The following RHBDF1 variants were observed in gnomAD, a reference collection of about 807,000 sequenced individuals.
RHBDF1 encodes inactive rhomboid protein 1.
Under a neutral mutation model 98.6 loss-of-function variants are expected in RHBDF1, and 80 were observed. That is an observed-to-expected ratio of 0.81 (90% CI 0.68 to 0.98). The LOEUF (loss-of-function observed/expected upper bound fraction) is 0.98, where lower values mean the gene tolerates loss of function less well. Ranked by LOEUF, RHBDF1 falls within the 50% of genes least tolerant of loss-of-function variation. The pLI is 0.00. For missense variants in RHBDF1, 1,116 were observed against 1,198.3 expected, an observed-to-expected ratio of 0.93 and a Z score of 1.01; for synonymous variants, 512 against 486.8, an observed-to-expected ratio of 1.05 and a Z score of -0.68.
intron 1 of RHBDF1, among the ~76,000 whole-genome samples, chr16:70,531 G>C (rs1897943739): frequency 6.6e-6 from 1 of 152,238 alleles, no homozygotes; most frequent in Non-Finnish European, 1.5e-5. Context: ...AACCAAGTCA[G>C]AGCAGAAATG....
rs1466621104 is a variant in RHBDF1 at position 58,985 on chromosome 16, A to G, written c.2137T>C (p.Tyr713His). The change falls in exon 17 of 18, where the codon TAC (tyrosine) becomes CAC (histidine). Residue 713 changes from tyrosine (Y) to histidine (H), a missense_variant. Tyr to His is a moderately conservative substitution (Grantham distance 83, BLOSUM62 2). Coordinates refer to ENST00000262316, the MANE Select transcript of RHBDF1 (RefSeq NM_022450.5). ...GNLASAIFLP[Y>H]RAEVGPAGSQ... ...AGGGCCAGCCTTACCTCTGCTCGGT[A>G]TGGCAGGAAGATGGCACTGGCCAGG... 1 of 1,613,086 alleles carries G rather than the reference A, an allele frequency of 6.2e-7. No homozygotes were observed. Among genetic ancestry groups the G allele is most frequent in the Non-Finnish European group, 8.5e-7 (1 of 1,180,000 alleles).
chr16:69,173 C>T (rs766386565), intron 1 of RHBDF1, among the ~76,000 whole-genome samples: 1 of 152,116 alleles, frequency 6.6e-6, no homozygotes, highest in African/African-American at 2.4e-5. Context: ...CCAAAGGTGT[C>T]GAGTTTGGGA....
Position 63,651 on chromosome 16 carries a change from G to C in RHBDF1, c.398C>G (p.Ser133Trp). The C allele has an allele frequency of 6.2e-7, 1 of 1,608,544 alleles. No homozygotes were observed. The highest frequency in any genetic ancestry group is 8.5e-7 in the Non-Finnish European group (1 of 1,177,938). Residue 133 changes from serine to tryptophan, a missense_variant, in exon 4 of 18, where the codon TCG becomes TGG. By Grantham distance (177) the Ser-to-Trp change is radical. Transcript: ENST00000262316. ...ELDLPSQDNVSLTSTETPPPL... is the reference protein window; with the variant it reads ...ELDLPSQDNVWLTSTETPPPL... ...GGGTGGCGTCTCGGTGCTGGTCAGC[G>C]ACACGTTGTCCTGGCTGGGCAGGTC...
intron 3 of RHBDF1, 183 bp downstream of exon 3, chr16:64,516 G>T: frequency 1.9e-6 from 3 of 1,543,176 alleles, no homozygotes; most frequent in East Asian, 2.4e-5. Flanking sequence ...AGTGGAGCAG[G>T]GTAGTGGGGT....
At position 65,724 on chromosome 16, in the gene RHBDF1, G is replaced by A. The variant is rs574859339; in HGVS notation, c.-24-685C>T. Reference sequence around the variant, plus strand: ...GACAGCCTGCAAGAGGTGTGTGATCGGTCCAGTGCATAGAGTCACCACATT... The same window carrying A: ...GACAGCCTGCAAGAGGTGTGTGATCAGTCCAGTGCATAGAGTCACCACATT... On this transcript the variant is annotated intron_variant, in intron 1 of 17. Coordinates refer to ENST00000262316, the MANE Select transcript of RHBDF1 (RefSeq NM_022450.5). Among the ~76,000 whole-genome samples, 11 of 152,298 alleles carry A rather than the reference G, an allele frequency of 7.2e-5. No individual in the cohort carries two copies. In the South Asian group the frequency reaches 8.3e-4, roughly 11 times the overall value.
chr16:64,385 C>A, intron 3 of RHBDF1: 1 of 1,386,712 alleles, frequency 7.2e-7, no homozygotes, highest in Non-Finnish European at 9.6e-7. Flanking sequence ...CTGCGGGCAG[C>A]CCGGGGACCC....
chr16:58,827 C>T (rs931023158), intron 17 of RHBDF1, 68 bp from the exon 18 acceptor site: 4 of 1,566,588 alleles, frequency 2.6e-6, no homozygotes, highest in African/African-American at 2.7e-5. Context: ...AAGGCCTCAT[C>T]TTTCTGCCCC....
Position 62,993 on chromosome 16 carries a change from C to A in RHBDF1, c.652G>T (p.Ala218Ser). Reference protein sequence around the residue: ...RESVAKMSFRAAAALMKGRSV... With the variant: ...RESVAKMSFRSAAALMKGRSV... Reference sequence around the variant, plus strand: ...CCCACTTTCATCAGCGCTGCGGCCGCCCGGAAGCTCATCTTGGCCACCGAC... The same window carrying A: ...CCCACTTTCATCAGCGCTGCGGCCGACCGGAAGCTCATCTTGGCCACCGAC... Residue 218 changes from alanine (A) to serine (S), a missense_variant, in exon 5 of 18, where the codon GCG becomes TCG. Coordinates refer to ENST00000262316, the MANE Select transcript of RHBDF1 (RefSeq NM_022450.5). 6.2e-7 allele frequency: 1 copy of A among 1,612,178 alleles called. No homozygotes were observed. Among genetic ancestry groups the A allele is most frequent in the South Asian group, 1.1e-5 (1 of 91,012 alleles).
chr16:62,038 C>T lies in RHBDF1; in HGVS notation c.968G>A (p.Gly323Asp), dbSNP rs775854063. The change falls in exon 8 of 18, where the codon GGC becomes GAC. Residue 323 changes from glycine to aspartate, a missense_variant. Gly to Asp is a moderately conservative substitution (Grantham distance 94). Coordinates refer to ENST00000262316, the MANE Select transcript of RHBDF1 (RefSeq NM_022450.5). ...RSHLMLPLER[G>D]WRKQKEGAAA... ...GGCGCCCTCCTTCTGCTTCCGCCAG[C>T]CTCGCTCCAAGGGCCTGGAGGGAGC... 2 of 1,499,550 alleles carry T rather than the reference C, an allele frequency of 1.3e-6. No homozygotes were observed. The highest frequency in any genetic ancestry group is 8.9e-7 in the Non-Finnish European group (1 of 1,128,318). The allele number at this position is 1,499,550 out of a possible 1,614,324, so 92.9% of individuals were successfully genotyped here. A position where few individuals can be genotyped will look rare whatever the true frequency, so the allele number is the denominator to read the frequency against.
chr16:58,153 T>C lies in RHBDF1; in HGVS notation c.*187A>G. On this transcript the variant is annotated 3_prime_UTR_variant, in exon 18 of 18. Coordinates refer to ENST00000262316, the MANE Select transcript of RHBDF1 (RefSeq NM_022450.5). ...GTTAGAAGGTTATGACAGGAAGTAG[T>C]ATAATAAATGCCCGGCAGTACGAGG... The C allele has an allele frequency of 1.7e-6, 1 of 587,488 alleles. No individual in the cohort carries two copies. The highest frequency in any genetic ancestry group is 3.0e-6 in the Non-Finnish European group (1 of 336,088). 36.4% of individuals were successfully genotyped at this position (587,488 alleles called of 1,614,324 possible).
upstream of RHBDF1, among the ~76,000 whole-genome samples, chr16:75,999 C>T (rs75629408): frequency 2.4e-4 from 36 of 152,310 alleles, no homozygotes; most frequent in East Asian, 2.3e-3. Context: ...TTTATAAAGG[C>T]TCCAGCGACT....
Position 61,585 on chromosome 16 carries a change from C to T in RHBDF1, c.1320G>A (p.Ser440=). The T allele has an allele frequency of 6.2e-7, 1 of 1,613,064 alleles. No homozygotes were observed. Among genetic ancestry groups the T allele is most frequent in the African/African-American group, 1.3e-5 (1 of 75,038 alleles). ...GCCCAGGGAAGGCACAGGGGCTCAC[C>T]GAGTCCACCGTCTCATGCTGCGAGA... ...VGFSQHETVD[S]VLRNRGVYEN... Residue 440 remains serine, a splice_region_variant and synonymous_variant, in exon 9 of 18, where the codon TCG becomes TCA. Transcript: ENST00000262316.
chr16:61,078 A>G, intron 11 of RHBDF1, 42 bp downstream of exon 11: 1 of 1,508,232 alleles, frequency 6.6e-7, no homozygotes, highest in Non-Finnish European at 8.9e-7. Flanking sequence ...AAGAGCGAAC[A>G]CCGGGCAGAC....
At chr16:67,171 A>T (rs922516905) in intron 1 of RHBDF1, among the ~76,000 whole-genome samples, 12 of 152,364 alleles carry the variant, frequency 7.9e-5, no homozygotes, top group African/African-American at 2.9e-4. Flanking sequence ...TTCAGACAGC[A>T]TCAGACACGT....
rs750145183 is a variant in RHBDF1 at position 58,565 on chromosome 16, G to A, written c.2343C>T (p.Phe781=). 4 of 1,613,818 alleles carry A rather than the reference G, an allele frequency of 2.5e-6. No individual in the cohort carries two copies. The highest frequency in any genetic ancestry group is 2.7e-5 in the African/African-American group (2 of 74,948). ...TGTAGGGCAAGAAGGCGAAGGAGAG[G>A]AAGAGGCCACTGATGAACCCTGAGA... ...AHISGFISGL[F]LSFAFLPYIS... The change falls in exon 18 of 18, where the codon TTC becomes TTT. Residue 781 remains phenylalanine (F), a synonymous_variant. Coordinates refer to ENST00000262316, the MANE Select transcript of RHBDF1 (RefSeq NM_022450.5).
chr16:71,756 C>T (rs1281566840), intron 1 of RHBDF1, among the ~76,000 whole-genome samples: 1 of 152,228 alleles, frequency 6.6e-6, no homozygotes, highest in African/African-American at 2.4e-5. Context: ...GCCCATTCCC[C>T]GCCCAGCCCC....
rs1053107604 is a variant in RHBDF1 at position 72,537 on chromosome 16, G to C, written c.-49C>G. On this transcript the variant is annotated 5_prime_UTR_variant, in exon 1 of 18. Transcript: ENST00000262316. ...CTGCCGCCGCCGGGGGCTCTGGGGG[G>C]TCCTGAGGGCGCCGGGGAGGAGGCT... 1 of 922,280 alleles carries C rather than the reference G, an allele frequency of 1.1e-6. No individual in the cohort carries two copies. Among genetic ancestry groups the C allele is most frequent in the African/African-American group, 2.6e-5 (1 of 38,276 alleles). The allele number at this position is 922,280 out of a possible 1,614,324, so 57.1% of individuals were successfully genotyped here. A position where few individuals can be genotyped will look rare whatever the true frequency, so the allele number is the denominator to read the frequency against.
At chr16:62,339 A>G in intron 7 of RHBDF1, 199 bp downstream of exon 7, 3 of 790,730 alleles carry the variant, frequency 3.8e-6, no homozygotes, top group Non-Finnish European at 5.9e-6. Context: ...TTGCTGTCCC[A>G]TTCCACAGGC....
rs1897466517 is a variant in RHBDF1 at position 58,449 on chromosome 16, A to ACC, written c.2457_2458dup (p.Val820GlyfsTer108). ...GCGGACAGGATAGACGTAGAAGAGG[A>ACC]CCACCAGGCCAGCCAGGAGGCCCAG... On this transcript the variant is annotated frameshift_variant, in exon 18 of 18. Coordinates refer to ENST00000262316, the MANE Select transcript of RHBDF1 (RefSeq NM_022450.5). LOFTEE classifies it high-confidence loss of function. 6.2e-7 allele frequency: 1 copy of ACC among 1,614,084 alleles called. No homozygotes were observed. Among genetic ancestry groups the ACC allele is most frequent in the Non-Finnish European group, 8.5e-7 (1 of 1,180,040 alleles).
Sources: allele counts gnomAD v4.1 joint callset (sites outside exome capture counted in the v4.1 genomes callset), GRCh38; gene constraint gnomAD v4.1.1; transcripts MANE v1.5; gene names NCBI Gene and HGNC (gene_info 2026-07-23, HGNC 2026-07-21).